The following TNR variants were observed in gnomAD, a reference collection of about 807,000 sequenced individuals.
The protein encoded by TNR is tenascin R, also known as tenascin-R.
A neutral mutation model predicts 150.4 loss-of-function variants in TNR; 45 were observed. The observed-to-expected ratio is 0.30, with a 90% CI of 0.24 to 0.38. TNR has a LOEUF of 0.38. TNR is among the 10% of genes least tolerant of loss of function. The pLI is 1.00. For synonymous variants in TNR, 687 were observed against 678.4 expected, an observed-to-expected ratio of 1.01 and a Z score of -0.20; for missense variants, 1,544 against 1,759.1, an observed-to-expected ratio of 0.88 and a Z score of 2.19.
chr1:175,343,735 T>C (rs942870345), intron 18 of TNR, among the ~76,000 whole-genome samples: 1 of 152,226 alleles, frequency 6.6e-6, no homozygotes, highest in Admixed American at 6.5e-5. Flanking sequence ...GTGAGCACTA[T>C]ATCCTATCCC....
chr1:175,689,425 G>A (rs1406171985), intron 1 of TNR, among the ~76,000 whole-genome samples: 3 of 152,186 alleles, frequency 2.0e-5, no homozygotes, highest in Non-Finnish European at 4.4e-5. Flanking sequence ...ATACCTCTTA[G>A]ATTGGAGGCC....
At chr1:175,551,854 A>C (rs1053856946) in intron 1 of TNR, among the ~76,000 whole-genome samples, 1 of 152,144 alleles carries the variant, frequency 6.6e-6, no homozygotes, top group Admixed American at 6.5e-5. Context: ...AAGAATGGGG[A>C]GGGGCAACGT....
At chr1:175,438,264 C>T (rs866160163) in intron 2 of TNR, among the ~76,000 whole-genome samples, 2 of 152,068 alleles carry the variant, frequency 1.3e-5, no homozygotes, top group African/African-American at 2.4e-5. Flanking sequence ...ATAAACAGAA[C>T]CAAAGACAAA....
intron 12 of TNR, among the ~76,000 whole-genome samples, chr1:175,364,074 C>T (rs780556181): frequency 6.6e-6 from 1 of 152,196 alleles, no homozygotes; most frequent in African/African-American, 2.4e-5. Flanking sequence ...AGCTCTGTAC[C>T]TGTTACCTAT....
At position 175,403,194 on chromosome 1, in the gene TNR, C is replaced by T. The variant is rs1571391765; in HGVS notation, c.922G>A (p.Glu308Lys). Reference protein sequence around the residue: ...LNACSGRGQCEEGLCVCEEGY... With the variant: ...LNACSGRGQCKEGLCVCEEGY... The stretch of plus-strand genomic sequence containing the variant: ...TCTTCACAGACGCAGAGCCCCTCCT[C>T]ACATTGTCCTCGCCCACTGCAGGCA... Residue 308 changes from glutamate (E) to lysine (K), a missense_variant, in exon 4 of 23, where the codon GAG becomes AAG. By Grantham distance (56) the Glu-to-Lys change is moderately conservative. This residue lies in a region of TNR where 1,254 missense variants were observed against 1,329.4 expected (regional missense o/e 0.94). Coordinates refer to ENST00000367674, the MANE Select transcript of TNR (RefSeq NM_003285.3). 2 of 1,614,104 alleles carry T rather than the reference C, an allele frequency of 1.2e-6. No individual in the cohort carries two copies. The highest frequency in any genetic ancestry group is 1.7e-6 in the Non-Finnish European group (2 of 1,179,994).
chr1:175,500,457 G>A (rs2102148714), intron 2 of TNR, among the ~76,000 whole-genome samples: 1 of 152,326 alleles, frequency 6.6e-6, no homozygotes, highest in Non-Finnish European at 1.5e-5. Context: ...AATAGGCCCA[G>A]GTGAATAGAA....
At chr1:175,489,590 C>T (rs1204955521) in intron 2 of TNR, among the ~76,000 whole-genome samples, 1 of 152,120 alleles carries the variant, frequency 6.6e-6, no homozygotes, top group Non-Finnish European at 1.5e-5. Context: ...CCCTGGGAGA[C>T]CTGAAACACT....
At chr1:175,647,210 C>CA (rs149225510) in intron 1 of TNR, among the ~76,000 whole-genome samples, 4,992 of 151,344 alleles carry the variant, frequency 0.033, 180 homozygotes, top group African/African-American at 0.087. Flanking sequence ...TTGGCATATG[C>CA]AAAAAAAAGG....
chr1:175,726,945 G>T (rs75212814), intron 1 of TNR, among the ~76,000 whole-genome samples: 2,838 of 152,226 alleles, frequency 0.019, 80 homozygotes, highest in African/African-American at 0.064. Context: ...GAGCCCCAAT[G>T]TGGCATGTAA....
At chr1:175,346,341 T>A (rs1342342216) in intron 18 of TNR, among the ~76,000 whole-genome samples, 2 of 152,056 alleles carry the variant, frequency 1.3e-5, no homozygotes, top group Non-Finnish European at 2.9e-5. Context: ...ACAGAGCTTG[T>A]TTGTGGGGAG....
intron 2 of TNR, among the ~76,000 whole-genome samples, chr1:175,441,549 A>C (rs1216709454): frequency 6.6e-6 from 1 of 152,212 alleles, no homozygotes; most frequent in Non-Finnish European, 1.5e-5. Flanking sequence ...TATTATAGAC[A>C]TGGACAACAT....
chr1:175,446,874 C>A (rs1163110762), intron 2 of TNR, among the ~76,000 whole-genome samples: 1 of 151,976 alleles, frequency 6.6e-6, no homozygotes, highest in Non-Finnish European at 1.5e-5. Context: ...TGTGTCTGTA[C>A]ATGTGTATGC....
intron 1 of TNR, among the ~76,000 whole-genome samples, chr1:175,652,582 C>T (rs1316152238): frequency 6.6e-6 from 1 of 152,126 alleles, no homozygotes; most frequent in Admixed American, 6.5e-5. Flanking sequence ...CCTTGCTGTT[C>T]TTGTGATAGT....
chr1:175,466,358 C>A (rs1657035667), intron 2 of TNR, among the ~76,000 whole-genome samples: 1 of 152,112 alleles, frequency 6.6e-6, no homozygotes, highest in Non-Finnish European at 1.5e-5. Flanking sequence ...CAGGGAAGAC[C>A]CCTTGTTCCC....
intron 1 of TNR, among the ~76,000 whole-genome samples, chr1:175,622,018 T>A (rs1428868270): frequency 6.6e-6 from 1 of 152,256 alleles, no homozygotes; most frequent in African/African-American, 2.4e-5. Flanking sequence ...TTATTCACTC[T>A]GTGAGGATGT....
At position 175,657,883 on chromosome 1, in the gene TNR, A is replaced by ATATGTGTGTG. The variant is rs1464419575; in HGVS notation, c.-165+85342_-165+85343insCACACACATA. ...TATATATATATATATATATATATATATGTAACAAACCTGCACGTTGTGCAC... is the reference window on the plus strand; with the variant it reads ...TATATATATATATATATATATATATATATGTGTGTGTGTAACAAACCTGCACGTTGTGCAC... On this transcript the variant is annotated intron_variant, in intron 1 of 22. Transcript: ENST00000367674. 1.4e-4 allele frequency among the ~76,000 whole-genome samples: 14 copies of ATATGTGTGTG among 101,146 alleles called. 1 individual carries two copies. The highest frequency in any genetic ancestry group is 2.5e-4 in the Non-Finnish European group (12 of 48,772). 66.4% of individuals were successfully genotyped at this position (101,146 alleles called of 152,430 possible).
At chr1:175,432,625 T>C (rs1655326933) in intron 2 of TNR, among the ~76,000 whole-genome samples, 1 of 152,204 alleles carries the variant, frequency 6.6e-6, no homozygotes, top group Admixed American at 6.5e-5. Flanking sequence ...TCCTTTCTTC[T>C]TTCAGTTTTC....
At chr1:175,350,209 G>A (rs906227521) in intron 18 of TNR, among the ~76,000 whole-genome samples, 10 of 152,186 alleles carry the variant, frequency 6.6e-5, no homozygotes, top group African/African-American at 2.4e-4. Context: ...ATGTGGAAGG[G>A]CAGGGACAGG....
intron 2 of TNR, among the ~76,000 whole-genome samples, chr1:175,524,865 G>A (rs1000353388): frequency 2.6e-5 from 4 of 152,196 alleles, no homozygotes; most frequent in Non-Finnish European, 1.5e-5. Flanking sequence ...CTTAATGAAA[G>A]CCTTGTCACA....
Sources: gnomAD v4.1 joint callset for allele counts (sites outside exome capture counted in the v4.1 genomes callset) on GRCh38, gnomAD v4.1.1 for gene constraint, gnomAD v4.1.1 regional missense constraint, MANE v1.5 for transcripts, NCBI Gene and HGNC (gene_info 2026-07-23, HGNC 2026-07-21) for gene names.